Variants in AGFG1 observed in about 807,000 individuals in gnomAD.
AGFG1 encodes arf-GAP domain and FG repeat-containing protein 1.
Under a neutral mutation model 60.6 loss-of-function variants are expected in AGFG1, and 10 were observed. The ratio of observed to expected loss-of-function variants is 0.16; its 90% CI spans 0.10 to 0.28. The LOEUF (loss-of-function observed/expected upper bound fraction) is 0.28. Among genes scored for constraint, AGFG1 ranks in the 10% least tolerant of loss-of-function variants. The pLI, the probability that AGFG1 is intolerant of heterozygous loss-of-function variation, is 1.00. For synonymous variants in AGFG1, 247 were observed against 242.9 expected, an observed-to-expected ratio of 1.02 and a Z score of -0.16; for missense variants, 537 against 676.5, an observed-to-expected ratio of 0.79 and a Z score of 2.29.
intron 10 of AGFG1, among the ~76,000 whole-genome samples, chr2:227,545,512 G>T (rs1692618494): frequency 6.6e-6 from 1 of 152,228 alleles, no homozygotes; most frequent in African/African-American, 2.4e-5. Flanking sequence ...TGCTGGCGAG[G>T]AGCTGCAGTC....
intron 6 of AGFG1, 131 bp downstream of exon 6, chr2:227,531,341 G>A (rs1270183723): frequency 1.8e-6 from 2 of 1,082,460 alleles, no homozygotes; most frequent in Admixed American, 2.7e-5. Flanking sequence ...ATCTTCAAAA[G>A]CTCTGGGGAA....
At chr2:227,497,736 T>G (rs13034584) in intron 2 of AGFG1, among the ~76,000 whole-genome samples, 141 of 4,090 alleles carry the variant, frequency 0.034, 31 homozygotes, top group African/African-American at 0.062. Flanking sequence ...TCTTGTTTTG[T>G]TTTTTTTTTT....
At chr2:227,508,076 C>T (rs1691380746) in intron 2 of AGFG1, among the ~76,000 whole-genome samples, 1 of 152,006 alleles carries the variant, frequency 6.6e-6, no homozygotes, top group Non-Finnish European at 1.5e-5. Flanking sequence ...TTCTTCCCCA[C>T]CTCTTGGTTT....
At chr2:227,538,886 A>G (rs930910824) in intron 10 of AGFG1, among the ~76,000 whole-genome samples, 8 of 152,224 alleles carry the variant, frequency 5.3e-5, no homozygotes, top group African/African-American at 1.7e-4. Flanking sequence ...ACAAAAATTT[A>G]TTAGAAAGGT....
At chr2:227,484,677 GTTTTTTTT>G (rs34405103) in intron 1 of AGFG1, among the ~76,000 whole-genome samples, 9 of 115,896 alleles carry the variant, frequency 7.8e-5, no homozygotes, top group East Asian at 7.6e-4. Flanking sequence ...AGATCTCTTA[GTTTTTTTT>G]TTGTTTTTTT....
intron 10 of AGFG1, 41 bp from the exon 11 acceptor site, chr2:227,551,918 A>G (rs765056705): frequency 1.9e-6 from 3 of 1,596,252 alleles, no homozygotes; most frequent in South Asian, 2.3e-5. Flanking sequence ...AACTAAACAT[A>G]TCCTGTTGTA....
At chr2:227,501,216 G>A (rs1379620910) in intron 2 of AGFG1, among the ~76,000 whole-genome samples, 1 of 151,988 alleles carries the variant, frequency 6.6e-6, no homozygotes, top group Non-Finnish European at 1.5e-5. Context: ...GAGTAGCTGG[G>A]GCTACAGGCA....
Position 227,531,076 on chromosome 2 carries a change from C to T in AGFG1, c.695-15C>T, listed in dbSNP as rs749614328. The T allele has an allele frequency of 5.0e-6, 8 of 1,603,642 alleles. No homozygotes were observed. Among genetic ancestry groups the T allele is most frequent in the Non-Finnish European group, 6.8e-6 (8 of 1,173,878 alleles). The stretch of plus-strand genomic sequence containing the variant: ...TTCATATTCATTAACATATGTTGTT[C>T]CTTACCATTTACAGCTCAGAATTCT... On this transcript the variant is annotated splice_polypyrimidine_tract_variant and intron_variant, in intron 5 of 12. Coordinates refer to ENST00000310078, the MANE Select transcript of AGFG1 (RefSeq NM_004504.5).
At chr2:227,490,449 G>A (rs1690775552) in intron 1 of AGFG1, among the ~76,000 whole-genome samples, 1 of 151,970 alleles carries the variant, frequency 6.6e-6, no homozygotes, top group African/African-American at 2.4e-5. Context: ...GTGGTGGCGG[G>A]TACCTGTAGT....
At chr2:227,487,328 C>T (rs1690672081) in intron 1 of AGFG1, among the ~76,000 whole-genome samples, 1 of 151,026 alleles carries the variant, frequency 6.6e-6, no homozygotes, top group Non-Finnish European at 1.5e-5. Context: ...GAAAAAAATT[C>T]ATTCGATCTC....
rs761751192 is a variant in AGFG1 at position 227,533,675 on chromosome 2, T to C, written c.941T>C (p.Val314Ala). 6.2e-7 allele frequency: 1 copy of C among 1,613,846 alleles called. No individual in the cohort carries two copies. The highest frequency in any genetic ancestry group is 1.1e-5 in the South Asian group (1 of 91,074). ...CAAACAGCATCAGCTGTTAGTAAAG[T>C]TTCAACGAACAAAGCTGGTTTACAG... ...SHQTASAVSK[V>A]STNKAGLQTA... is the part of the protein sequence containing the mutation. Residue 314 changes from valine to alanine, a missense_variant, in exon 7 of 13, where the codon GTT becomes GCT. This residue lies in a region of AGFG1 where 287 missense variants were observed against 343.6 expected (regional missense o/e 0.84). Transcript: ENST00000310078.
chr2:227,542,146 C>T (rs927452059), intron 10 of AGFG1, among the ~76,000 whole-genome samples: 14 of 152,094 alleles, frequency 9.2e-5, no homozygotes, highest in Admixed American at 3.3e-4. Flanking sequence ...ATTGAATACC[C>T]GTTATTTTTT....
At chr2:227,545,935 G>C (rs560636566) in intron 10 of AGFG1, among the ~76,000 whole-genome samples, 79 of 152,346 alleles carry the variant, frequency 5.2e-4, no homozygotes, top group African/African-American at 1.7e-3. Context: ...GGCTACTGCG[G>C]GGGTCAGGGA....
chr2:227,546,873 G>A (rs1692663907), intron 10 of AGFG1, among the ~76,000 whole-genome samples: 1 of 152,146 alleles, frequency 6.6e-6, no homozygotes, highest in African/African-American at 2.4e-5. Flanking sequence ...TGAATGAATG[G>A]TTTCAAAGAT....
Position 227,531,135 on chromosome 2 carries a change from G to C in AGFG1, c.739G>C (p.Gly247Arg), listed in dbSNP as rs765150402. 2 of 1,613,368 alleles carry C rather than the reference G, an allele frequency of 1.2e-6. No homozygotes were observed. Among genetic ancestry groups the C allele is most frequent in the South Asian group, 2.2e-5 (2 of 90,996 alleles). ...AGATTTTGCAAACTTTGATGCATTT[G>C]GACAGTCTAGTGGTTCGAGTAATTT... ...NADFANFDAF[G>R]QSSGSSNFGG... Residue 247 changes from glycine (G) to arginine (R), a missense_variant, in exon 6 of 13, where the codon GGA becomes CGA. Physicochemically the swap from Gly to Arg is moderately radical, Grantham distance 125. Coordinates refer to ENST00000310078, the MANE Select transcript of AGFG1 (RefSeq NM_004504.5).
intron 6 of AGFG1, 136 bp from the exon 7 acceptor site, chr2:227,533,413 C>T (rs1692218530): frequency 3.8e-6 from 3 of 790,692 alleles, no homozygotes; most frequent in African/African-American, 1.8e-5. Context: ...TAGTCAAAAG[C>T]CATTGCCAGT....
chr2:227,557,969 T>G lies in AGFG1; in HGVS notation c.*3474T>G, dbSNP rs1318615070. 1.3e-5 allele frequency: 2 copies of G among 152,204 alleles called. No homozygotes were observed. Among genetic ancestry groups the G allele is most frequent in the African/African-American group, 4.8e-5 (2 of 41,462 alleles). The allele number at this position is 152,204 out of a possible 1,614,324, so 9.4% of individuals were successfully genotyped here. ...ACCACTATACTTTAAATTTGTGTATTTCTAGAACAGTATTTACTTGCAGGG... is the reference window on the plus strand; with the variant it reads ...ACCACTATACTTTAAATTTGTGTATGTCTAGAACAGTATTTACTTGCAGGG... On this transcript the variant is annotated 3_prime_UTR_variant, in exon 13 of 13. Coordinates refer to ENST00000310078, the MANE Select transcript of AGFG1 (RefSeq NM_004504.5).
intron 1 of AGFG1, among the ~76,000 whole-genome samples, chr2:227,476,748 C>T (rs1690292263): frequency 6.6e-6 from 1 of 152,076 alleles, no homozygotes; most frequent in Admixed American, 6.5e-5. Context: ...TCTTTTGGAG[C>T]TCTGTGTATA....
In AGFG1 at chr2:227,472,586, C is replaced by T. The variant is rs1690125201; in HGVS notation, c.165C>T (p.Ser55=). The T allele has an allele frequency of 1.3e-6, 2 of 1,573,388 alleles. No homozygotes were observed. The highest frequency in any genetic ancestry group is 1.8e-5 in the Admixed American group (1 of 56,532). The part of the protein sequence containing the change: ...GSFVCTSCSG[S]LRGLNPPHRV... ...TCGTGTGTACCTCCTGCTCCGGCAGCCTGTGAGTGCGGGGCGGCCGGGCGG... is the reference window on the plus strand; with the variant it reads ...TCGTGTGTACCTCCTGCTCCGGCAGTCTGTGAGTGCGGGGCGGCCGGGCGG... Residue 55 remains serine (S), a splice_region_variant and synonymous_variant, in exon 1 of 13, where the codon AGC becomes AGT. Coordinates refer to ENST00000310078, the MANE Select transcript of AGFG1 (RefSeq NM_004504.5).
Sources: allele counts gnomAD v4.1 joint callset (sites outside exome capture counted in the v4.1 genomes callset), GRCh38; gene constraint gnomAD v4.1.1; regional missense constraint gnomAD v4.1.1; transcripts MANE v1.5; gene names NCBI Gene and HGNC (gene_info 2026-07-23, HGNC 2026-07-21).